The following CACNB2 variants were observed in gnomAD, a reference collection of about 807,000 sequenced individuals.
CACNB2 encodes the protein voltage-dependent L-type calcium channel subunit beta-2.
A neutral mutation model predicts 73.3 loss-of-function variants in CACNB2; 42 were observed. The observed-to-expected ratio is 0.57, with a 90% CI of 0.45 to 0.74. The LOEUF (loss-of-function observed/expected upper bound fraction) is 0.74. Among genes scored for constraint, CACNB2 ranks in the 30% least tolerant of loss-of-function variants. The pLI, the probability that CACNB2 is intolerant of heterozygous loss-of-function variation, is 0.00. For missense variants in CACNB2, 940 were observed against 853.0 expected (o/e 1.10, Z -1.27); for synonymous variants, 348 against 310.3 (o/e 1.12, Z -1.28).
intron 5 of CACNB2, among the ~76,000 whole-genome samples, chr10:18,504,719 A>G (rs969261027): frequency 1.3e-5 from 2 of 152,034 alleles, no homozygotes; most frequent in Non-Finnish European, 2.9e-5. Context: ...GTCTCGACTC[A>G]CTGCAACCTC....
intron 10 of CACNB2, chr10:18,532,990 A>G (rs2053216124): frequency 6.6e-6 from 1 of 152,144 alleles, no homozygotes. Flanking sequence ...AAAGGACTCA[A>G]GTCATAACAT....
At chr10:18,283,998 C>A (rs895884503) in intron 2 of CACNB2, among the ~76,000 whole-genome samples, 1 of 151,710 alleles carries the variant, frequency 6.6e-6, no homozygotes, top group African/African-American at 2.4e-5. Context: ...ATCACTGATA[C>A]CAGCCTATAT....
At chr10:18,515,055 A>G (rs1188424708) in intron 7 of CACNB2, 6 of 1,596,490 alleles carry the variant, frequency 3.8e-6, no homozygotes, top group South Asian at 3.3e-5. Context: ...AGTTTTTCCT[A>G]TTGTCATATA....
intron 2 of CACNB2, among the ~76,000 whole-genome samples, chr10:18,287,882 T>TA (rs1176669225): frequency 6.6e-6 from 1 of 152,080 alleles, no homozygotes; most frequent in Non-Finnish European, 1.5e-5. Context: ...ACAGAGGTGT[T>TA]ACTGGGGCTG....
intron 2 of CACNB2, among the ~76,000 whole-genome samples, chr10:18,365,399 G>A (rs772650013): frequency 3.3e-5 from 5 of 151,942 alleles, no homozygotes; most frequent in East Asian, 1.9e-4. Context: ...ATTTGGTGAC[G>A]GCCAATTATT....
rs147546074 is a variant in CACNB2 at position 18,396,444 on chromosome 10, G to A, written c.214-5480G>A. On this transcript the variant is annotated intron_variant, in intron 2 of 13. Coordinates refer to ENST00000324631, the MANE Select transcript of CACNB2 (RefSeq NM_201596.3). ...ATACAAGATAGAACCCTTTCCCCTT[G>A]GTCCTGGCCCGCTGAAGTCTATCCC... 3.7e-3 allele frequency among the ~76,000 whole-genome samples: 561 copies of A among 152,256 alleles called. 4 individuals are homozygous for A. The highest frequency in any genetic ancestry group is 0.013 in the African/African-American group (528 of 41,562).
intron 2 of CACNB2, among the ~76,000 whole-genome samples, chr10:18,234,473 A>C (rs1028216351): frequency 6.6e-6 from 1 of 152,198 alleles, no homozygotes; most frequent in Non-Finnish European, 1.5e-5. Flanking sequence ...ACAATAGCCA[A>C]AAAGATGGAG....
chr10:18,536,768 C>T (rs1179232413), intron 12 of CACNB2, among the ~76,000 whole-genome samples: 1 of 152,170 alleles, frequency 6.6e-6, no homozygotes, highest in Non-Finnish European at 1.5e-5. Context: ...TAATATCCAA[C>T]ACAAGATCCT....
chr10:18,368,766 C>G (rs2042456285), intron 2 of CACNB2, among the ~76,000 whole-genome samples: 1 of 151,910 alleles, frequency 6.6e-6, no homozygotes, highest in Non-Finnish European at 1.5e-5. Context: ...TGATTATGCA[C>G]AAAAGCCAGT....
chr10:18,311,125 T>A (rs1409294660), intron 2 of CACNB2, among the ~76,000 whole-genome samples: 4 of 152,224 alleles, frequency 2.6e-5, no homozygotes, highest in African/African-American at 9.6e-5. Context: ...TTAAGTTTGC[T>A]TAAGTTCCTT....
At chr10:18,191,246 A>G (rs1165301827) in intron 2 of CACNB2, among the ~76,000 whole-genome samples, 1 of 152,232 alleles carries the variant, frequency 6.6e-6, no homozygotes, top group Non-Finnish European at 1.5e-5. Flanking sequence ...ATTCCTATCT[A>G]TATTTTATGA....
At chr10:18,449,369 A>T (rs2046905372) in intron 3 of CACNB2, among the ~76,000 whole-genome samples, 1 of 152,206 alleles carries the variant, frequency 6.6e-6, no homozygotes, top group South Asian at 2.1e-4. Context: ...TGGGCGACAG[A>T]GCGAGACTCC....
intron 2 of CACNB2, among the ~76,000 whole-genome samples, chr10:18,331,795 A>C (rs2040817638): frequency 6.6e-6 from 1 of 152,064 alleles, no homozygotes. Flanking sequence ...AATCTGGTGT[A>C]CTCTTCACTG....
Position 18,506,878 on chromosome 10 carries a change from C to A in CACNB2, c.670+331C>A, listed in dbSNP as rs147193656. On this transcript the variant is annotated intron_variant, in intron 6 of 13. Transcript: ENST00000324631. ...GCAGTGGCATGATCGCAGCTCACTGCGCCTCTGCCTCCAGGGCTCAAGTGA... is the reference window on the plus strand; with the variant it reads ...GCAGTGGCATGATCGCAGCTCACTGAGCCTCTGCCTCCAGGGCTCAAGTGA... Among the ~76,000 whole-genome samples the A allele has an allele frequency of 6.6e-5, 10 of 152,290 alleles. No homozygotes were observed. The East Asian group carries it at 1.2e-3, about 18-fold the overall frequency.
chr10:18,484,350 C>T (rs567816038), intron 3 of CACNB2, among the ~76,000 whole-genome samples: 5 of 151,056 alleles, frequency 3.3e-5, no homozygotes, highest in African/African-American at 1.2e-4. Flanking sequence ...CCTGAGATCA[C>T]GCCACTGTAC....
chr10:18,441,455 G>A (rs562287824), intron 3 of CACNB2, among the ~76,000 whole-genome samples: 9 of 152,180 alleles, frequency 5.9e-5, no homozygotes, highest in African/African-American at 2.2e-4. Flanking sequence ...CCTTGATGGG[G>A]TTTGTTTTTC....
At chr10:18,408,901 G>T (rs1287295132) in intron 3 of CACNB2, among the ~76,000 whole-genome samples, 1 of 152,132 alleles carries the variant, frequency 6.6e-6, no homozygotes, top group Non-Finnish European at 1.5e-5. Flanking sequence ...GCTGAGGCTG[G>T]AGTTGCAGTG....
intron 2 of CACNB2, among the ~76,000 whole-genome samples, chr10:18,227,539 A>C (rs1388812066): frequency 1.3e-5 from 2 of 152,220 alleles, no homozygotes; most frequent in Non-Finnish European, 2.9e-5. Flanking sequence ...GCAAACCCAA[A>C]TGCCAAAGGA....
chr10:18,221,539 T>G (rs889234148), intron 2 of CACNB2, among the ~76,000 whole-genome samples: 3 of 152,056 alleles, frequency 2.0e-5, no homozygotes, highest in African/African-American at 7.2e-5. Flanking sequence ...GTTAGCTGGA[T>G]GTGGTGCCTC....
Sources: allele counts gnomAD v4.1 joint callset (sites outside exome capture counted in the v4.1 genomes callset), GRCh38; gene constraint gnomAD v4.1.1; transcripts MANE v1.5; gene names NCBI Gene and HGNC (gene_info 2026-07-23, HGNC 2026-07-21).